SRGAP3: variants seen among roughly 807,000 people sequenced by gnomAD.
The protein encoded by SRGAP3 is SLIT-ROBO Rho GTPase activating protein 3.
In SRGAP3, 39 loss-of-function variants were observed where a neutral mutation model predicts 121.1. The observed-to-expected ratio is 0.32, with a 90% CI of 0.25 to 0.42. SRGAP3 has a LOEUF of 0.42. Among genes scored for constraint, SRGAP3 ranks in the 10% least tolerant of loss-of-function variants. SRGAP3 has a pLI of 1.00. For missense variants in SRGAP3, 1,213 were observed against 1,470.6 expected (o/e 0.82, Z 2.86); for synonymous variants, 601 against 570.0 (o/e 1.05, Z -0.77).
chr3:9,171,867 C>A (rs920789459), intron 1 of SRGAP3, among the ~76,000 whole-genome samples: 2 of 151,994 alleles, frequency 1.3e-5, no homozygotes, highest in Admixed American at 6.6e-5. Flanking sequence ...GGACACGGTG[C>A]TTGTCGGTGG....
At chr3:9,246,348 G>A (rs2125244442) in intron 1 of SRGAP3, among the ~76,000 whole-genome samples, 1 of 152,288 alleles carries the variant, frequency 6.6e-6, no homozygotes, top group East Asian at 1.9e-4. Context: ...TTGGTGACTG[G>A]TCAAATGTTC....
At chr3:9,355,392 G>A (rs990363113) in intron 1 of SRGAP3, among the ~76,000 whole-genome samples, 15 of 152,168 alleles carry the variant, frequency 9.9e-5, no homozygotes, top group East Asian at 5.8e-4. Context: ...GGTCAGGCAC[G>A]GTGATAATTT....
chr3:9,282,695 T>C (rs1396394376), intron 3 of SRGAP3, among the ~76,000 whole-genome samples: 3 of 152,082 alleles, frequency 2.0e-5, no homozygotes, highest in Non-Finnish European at 4.4e-5. Flanking sequence ...TTGGCCAAGC[T>C]GGTCTCGAAC....
chr3:9,041,938 T>G (rs1339187629), intron 10 of SRGAP3, among the ~76,000 whole-genome samples: 2 of 151,954 alleles, frequency 1.3e-5, no homozygotes, highest in African/African-American at 4.8e-5. Flanking sequence ...CCATCTCTAC[T>G]AAAAACAGAA....
intron 1 of SRGAP3, among the ~76,000 whole-genome samples, chr3:9,184,798 C>T (rs1427401823): frequency 6.6e-6 from 1 of 152,066 alleles, no homozygotes; most frequent in African/African-American, 2.4e-5. Context: ...TCCTTGCACC[C>T]CTCCTCCCAA....
chr3:9,286,049 C>T (rs1954761369), intron 3 of SRGAP3, among the ~76,000 whole-genome samples: 1 of 151,170 alleles, frequency 6.6e-6, no homozygotes, highest in Admixed American at 6.6e-5. Flanking sequence ...GAGATCATGG[C>T]TGCAGTGAGC....
intron 3 of SRGAP3, among the ~76,000 whole-genome samples, chr3:9,084,669 G>C (rs898203354): frequency 2.0e-5 from 3 of 152,090 alleles, no homozygotes; most frequent in South Asian, 4.2e-4. Flanking sequence ...TCCACTACCA[G>C]TTCCCGTAGC....
At chr3:9,189,363 C>T (rs1485907801) in intron 1 of SRGAP3, among the ~76,000 whole-genome samples, 1 of 152,208 alleles carries the variant, frequency 6.6e-6, no homozygotes, top group Non-Finnish European at 1.5e-5. Context: ...TCCATCAAAT[C>T]GTTTGTCCCG....
chr3:9,249,550 C>G lies in SRGAP3; in HGVS notation c.-599G>C. 4.1e-6 allele frequency: 1 copy of G among 244,516 alleles called. No homozygotes were observed. The highest frequency in any genetic ancestry group is 1.5e-4 in the South Asian group (1 of 6,698). The allele number at this position is 244,516 out of a possible 1,614,324, so 15.1% of individuals were successfully genotyped here. ...TCTCGCATCCTCCCTCCCTTCGGTG[C>G]CTCTGGTCTGATGTCCAGTGAGGAT... On this transcript the variant is annotated 5_prime_UTR_variant, in exon 1 of 22. Transcript: ENST00000383836.
chr3:9,060,482 A>T (rs1946101244), intron 5 of SRGAP3, 123 bp from the exon 6 acceptor site: 1 of 1,315,510 alleles, frequency 7.6e-7, no homozygotes, highest in Admixed American at 2.1e-5. Flanking sequence ...GTGAGAGTGC[A>T]GTGGTGTGAT....
intron 10 of SRGAP3, among the ~76,000 whole-genome samples, chr3:9,041,213 G>A (rs994021656): frequency 2.6e-5 from 4 of 152,192 alleles, no homozygotes; most frequent in Non-Finnish European, 5.9e-5. Flanking sequence ...TAAGTGTAGA[G>A]TCTGGATTCC....
intron 3 of SRGAP3, among the ~76,000 whole-genome samples, chr3:9,284,897 G>A (rs1954742121): frequency 6.6e-6 from 1 of 151,404 alleles, no homozygotes; most frequent in African/African-American, 2.4e-5. Context: ...GGGAACTCCA[G>A]GGGTCTGTGG....
At chr3:9,032,798 A>T in intron 11 of SRGAP3, 46 bp from the exon 12 acceptor site, 1 of 1,539,762 alleles carries the variant, frequency 6.5e-7, no homozygotes, top group Non-Finnish European at 9.0e-7. Context: ...AACCAACATA[A>T]ACATACAACT....
At chr3:9,207,987 C>T (rs998116611) in intron 1 of SRGAP3, among the ~76,000 whole-genome samples, 1 of 152,156 alleles carries the variant, frequency 6.6e-6, no homozygotes, top group African/African-American at 2.4e-5. Context: ...GTTACCTGAA[C>T]CTCTTGTGTT....
Position 8,985,420 on chromosome 3 carries a change from C to G in SRGAP3, c.*99G>C, listed in dbSNP as rs1033109494. 7.1e-6 allele frequency: 11 copies of G among 1,559,014 alleles called. No homozygotes were observed. Among genetic ancestry groups the G allele is most frequent in the Non-Finnish European group, 9.5e-6 (11 of 1,160,102 alleles). ...ACCCTCCCAGACGGACCTCTGCCCT[C>G]CAAGGCCAGGGTCACTGGGAAGCAC... On this transcript the variant is annotated 3_prime_UTR_variant, in exon 22 of 22. Coordinates refer to ENST00000383836, the MANE Select transcript of SRGAP3 (RefSeq NM_014850.4). The surrounding 1 kb of genome is among the most constrained non-coding windows in gnomAD (Gnocchi z 5.1).
intron 1 of SRGAP3, chr3:9,217,066 T>C (rs1952661067): frequency 6.6e-6 from 1 of 152,116 alleles, no homozygotes; most frequent in Non-Finnish European, 1.5e-5. Context: ...AGATGAAAAG[T>C]GTTCTGGAGA....
rs538807561 is a variant in SRGAP3, at chr3:8,991,077, G to A, written c.2559-238C>T. ...AAGCATTTGGAGCACGGTGCTTCCA[G>A]GCCACAGACAGCTGTGCCGCCAACC... On this transcript the variant is annotated intron_variant, in intron 20 of 21. Coordinates refer to ENST00000383836, the MANE Select transcript of SRGAP3 (RefSeq NM_014850.4). 2.1e-4 allele frequency among the ~76,000 whole-genome samples: 32 copies of A among 152,352 alleles called. No individual in the cohort carries two copies. The South Asian group carries it at 6.0e-3, about 29-fold the overall frequency.
intron 3 of SRGAP3, among the ~76,000 whole-genome samples, chr3:9,095,856 C>T (rs1417108899): frequency 6.6e-6 from 1 of 152,034 alleles, no homozygotes; most frequent in Non-Finnish European, 1.5e-5. Flanking sequence ...TTGCTTGAGG[C>T]CAGGAGTTCA....
At chr3:9,014,516 T>C (rs1943536366) in intron 15 of SRGAP3, among the ~76,000 whole-genome samples, 1 of 152,158 alleles carries the variant, frequency 6.6e-6, no homozygotes. Flanking sequence ...TTCCAGGTCA[T>C]CCTAGACCTG....
Sources: allele counts gnomAD v4.1 joint callset (sites outside exome capture counted in the v4.1 genomes callset), GRCh38; gene constraint gnomAD v4.1.1; non-coding constraint Gnocchi (gnomAD v3.1); transcripts MANE v1.5; gene names NCBI Gene and HGNC (gene_info 2026-07-23, HGNC 2026-07-21).